The following PHLDB2 variants were observed in gnomAD, a reference collection of about 807,000 sequenced individuals.
The protein encoded by PHLDB2 is pleckstrin homology-like domain family B member 2.
Under a neutral mutation model 123.6 loss-of-function variants are expected in PHLDB2, and 71 were observed. The observed-to-expected ratio is 0.57, with a 90% CI of 0.47 to 0.70. The LOEUF (loss-of-function observed/expected upper bound fraction) is 0.70, where lower values mean the gene tolerates loss of function less well. Among genes scored for constraint, PHLDB2 ranks in the 30% least tolerant of loss-of-function variants. PHLDB2 has a pLI of 0.00. For missense variants in PHLDB2, 1,446 were observed against 1,519.5 expected (o/e 0.95, Z 0.80); for synonymous variants, 547 against 541.6 (o/e 1.01, Z -0.14).
chr3:111,974,420 TAGA>T lies in PHLDB2; in HGVS notation c.3622-2_3622del. On this transcript the variant is annotated splice_acceptor_variant and coding_sequence_variant, in exon 18 of 18. Coordinates refer to ENST00000431670, the MANE Select transcript of PHLDB2 (RefSeq NM_001134438.2). LOFTEE classifies it high-confidence loss of function. The stretch of plus-strand genomic sequence containing the variant: ...ACATTCTTTTTCCTTTTTTGAATTT[TAGA>T]GTCCTAATCCGTTACTCACCTTTAG... 1 of 1,586,356 alleles carries T rather than the reference TAGA, an allele frequency of 6.3e-7. No individual in the cohort carries two copies. Among genetic ancestry groups the T allele is most frequent in the South Asian group, 1.2e-5 (1 of 86,200 alleles).
chr3:111,911,111 G>T (rs2067857273), intron 2 of PHLDB2, among the ~76,000 whole-genome samples: 2 of 152,184 alleles, frequency 1.3e-5, no homozygotes, highest in Non-Finnish European at 2.9e-5. Flanking sequence ...TGCAGAAAAA[G>T]AAACTATTTT....
chr3:111,927,423 C>G (rs1325502147), intron 5 of PHLDB2, among the ~76,000 whole-genome samples: 1 of 152,160 alleles, frequency 6.6e-6, no homozygotes, highest in African/African-American at 2.4e-5. Context: ...TAAATTTTGA[C>G]ATATCACTGC....
intron 1 of PHLDB2, among the ~76,000 whole-genome samples, chr3:111,784,980 T>C (rs1443663238): frequency 1.3e-5 from 2 of 152,174 alleles, no homozygotes; most frequent in Non-Finnish European, 2.9e-5. Flanking sequence ...AAAGTGATAT[T>C]TTTGAGAACA....
At chr3:111,777,821 A>G (rs986276686) in intron 1 of PHLDB2, among the ~76,000 whole-genome samples, 1 of 152,122 alleles carries the variant, frequency 6.6e-6, no homozygotes, top group Non-Finnish European at 1.5e-5. Context: ...GGCAAAAATA[A>G]TGAGTGCTAA....
chr3:111,831,758 A>G (rs2063050026), intron 1 of PHLDB2, among the ~76,000 whole-genome samples: 1 of 152,202 alleles, frequency 6.6e-6, no homozygotes, highest in African/African-American at 2.4e-5. Flanking sequence ...AATGCAGTGC[A>G]GATATAGATA....
chr3:111,817,486 A>C (rs2062141202), intron 1 of PHLDB2, among the ~76,000 whole-genome samples: 1 of 152,244 alleles, frequency 6.6e-6, no homozygotes. Context: ...GTAATAGAAG[A>C]AAATCATTAG....
intron 1 of PHLDB2, among the ~76,000 whole-genome samples, chr3:111,782,510 C>T (rs532834469): frequency 2.0e-5 from 3 of 152,222 alleles, no homozygotes; most frequent in South Asian, 2.1e-4. Flanking sequence ...ACTATTCCCT[C>T]GGTCCAGAAT....
chr3:111,936,986 G>A (rs1252183923), intron 6 of PHLDB2, among the ~76,000 whole-genome samples: 1 of 152,156 alleles, frequency 6.6e-6, no homozygotes, highest in Non-Finnish European at 1.5e-5. Context: ...TCTTTTAGAA[G>A]TTATAAATTT....
intron 1 of PHLDB2, among the ~76,000 whole-genome samples, chr3:111,878,171 T>C (rs2065740807): frequency 1.3e-5 from 2 of 152,360 alleles, no homozygotes; most frequent in East Asian, 1.9e-4. Context: ...ATATTGATTA[T>C]TCCTATCCGT....
At chr3:111,804,770 G>C (rs1049178553) in intron 1 of PHLDB2, among the ~76,000 whole-genome samples, 12 of 152,186 alleles carry the variant, frequency 7.9e-5, no homozygotes, top group African/African-American at 2.7e-4. Context: ...TTAAATAACT[G>C]TGATGCTGAA....
At chr3:111,860,704 C>G (rs1340287176) in intron 1 of PHLDB2, among the ~76,000 whole-genome samples, 1 of 152,148 alleles carries the variant, frequency 6.6e-6, no homozygotes, top group Admixed American at 6.6e-5. Context: ...CTTTTTCTCT[C>G]GGTAAACTAC....
At chr3:111,891,350 T>C (rs978142231) in intron 2 of PHLDB2, among the ~76,000 whole-genome samples, 1 of 152,150 alleles carries the variant, frequency 6.6e-6, no homozygotes, top group African/African-American at 2.4e-5. Flanking sequence ...CTCCAACTCC[T>C]GTCAGATCAG....
chr3:111,822,915 C>T (rs2062474723), intron 1 of PHLDB2, among the ~76,000 whole-genome samples: 1 of 152,140 alleles, frequency 6.6e-6, no homozygotes, highest in Non-Finnish European at 1.5e-5. Context: ...ATAATTATAA[C>T]ATGTCTGGTT....
chr3:111,906,622 A>C (rs1039508631), intron 2 of PHLDB2, among the ~76,000 whole-genome samples: 4 of 152,218 alleles, frequency 2.6e-5, no homozygotes, highest in Non-Finnish European at 5.9e-5. Flanking sequence ...GTATTGAAAA[A>C]TCAATGACTG....
At position 111,761,183 on chromosome 3, in the gene PHLDB2, CAAAAAAA is replaced by C. The variant is rs60999461; in HGVS notation, c.-49+28489_-49+28495del. On this transcript the variant is annotated intron_variant, in intron 1 of 17. Coordinates refer to the PHLDB2 transcript ENST00000393923. ...CTAGCGACAGAGTGAGACTCCATCT[CAAAAAAA>C]AAAAAAAAGAAAAAAAAAACTAAAC... 2.6e-4 allele frequency among the ~76,000 whole-genome samples: 29 copies of C among 111,320 alleles called. No individual in the cohort carries two copies. In the East Asian group the frequency reaches 4.6e-3, roughly 18 times the overall value. 73.0% of individuals were successfully genotyped at this position (111,320 alleles called of 152,430 possible).
intron 1 of PHLDB2, among the ~76,000 whole-genome samples, chr3:111,790,683 T>C (rs530964805): frequency 9.8e-5 from 15 of 152,326 alleles, no homozygotes; most frequent in Non-Finnish European, 1.9e-4. Context: ...TAGGATACTC[T>C]GGACGTAAAA....
rs566215468 is a variant in PHLDB2 at position 111,926,886 on chromosome 3, A to C, written c.2002-5383A>C. The stretch of plus-strand genomic sequence containing the variant: ...AGGGTACTGCTCCAAATCTCACTGG[A>C]AATGTCATATAATATACGCTATATA... On this transcript the variant is annotated intron_variant, in intron 5 of 17. Transcript: ENST00000431670. Among the ~76,000 whole-genome samples the C allele has an allele frequency of 2.0e-5, 3 of 152,312 alleles. No individual in the cohort carries two copies. In the South Asian group the frequency reaches 6.2e-4, roughly 32 times the overall value.
At chr3:111,926,391 G>A (rs1306884153) in intron 5 of PHLDB2, among the ~76,000 whole-genome samples, 1 of 152,142 alleles carries the variant, frequency 6.6e-6, no homozygotes, top group Non-Finnish European at 1.5e-5. Flanking sequence ...TGCAGAACAG[G>A]TGCCAAGTCA....
intron 6 of PHLDB2, among the ~76,000 whole-genome samples, chr3:111,937,219 A>G (rs1388404811): frequency 6.6e-6 from 1 of 152,234 alleles, no homozygotes; most frequent in East Asian, 1.9e-4. Flanking sequence ...CCCTAGAGTA[A>G]AAGTCATTGC....
Sources: allele counts gnomAD v4.1 joint callset (sites outside exome capture counted in the v4.1 genomes callset), GRCh38; gene constraint gnomAD v4.1.1; transcripts MANE v1.5; gene names NCBI Gene and HGNC (gene_info 2026-07-23, HGNC 2026-07-21).